The following HYDIN variants were observed in gnomAD, a reference collection of about 807,000 sequenced individuals.
The protein encoded by HYDIN is axonemal central pair apparatus protein HYDIN.
Under a neutral mutation model 403.9 loss-of-function variants are expected in HYDIN, and 132 were observed. The ratio of observed to expected loss-of-function variants is 0.33; its 90% CI spans 0.28 to 0.38. The LOEUF is 0.38. Ranked by LOEUF, HYDIN falls within the 10% of genes least tolerant of loss-of-function variation. The pLI, the probability that HYDIN is intolerant of heterozygous loss-of-function variation, is 1.00. For missense variants in HYDIN, 2,827 were observed against 5,009.5 expected (o/e 0.56, Z 13.15); for synonymous variants, 1,202 against 1,891.7 (o/e 0.64, Z 9.46).
chr16:71,055,135 A>G (rs1447466339), intron 18 of HYDIN, among the ~76,000 whole-genome samples: 11 of 152,298 alleles, frequency 7.2e-5, no homozygotes, highest in Non-Finnish European at 1.2e-4. Flanking sequence ...CACCATTTCC[A>G]AGTCCATTTT....
intron 31 of HYDIN, 29 bp from the exon 32 acceptor site, chr16:70,974,699 A>C: frequency 2.1e-6 from 2 of 932,580 alleles, no homozygotes; most frequent in Non-Finnish European, 3.2e-6. Context: ...CTTACTAGTC[A>C]CTTTCAAACC....
At chr16:71,228,297 C>T (rs1157211396) in intron 1 of HYDIN, among the ~76,000 whole-genome samples, 2 of 152,098 alleles carry the variant, frequency 1.3e-5, no homozygotes, top group African/African-American at 4.8e-5. Flanking sequence ...CAACAAAAGC[C>T]AGAATTGACA....
At chr16:70,838,489 T>G (rs2037595349) in intron 76 of HYDIN, among the ~76,000 whole-genome samples, 1 of 152,080 alleles carries the variant, frequency 6.6e-6, no homozygotes. Flanking sequence ...CCAGCCTGAT[T>G]CTCGATTTCT....
At chr16:70,853,828 A>G (rs917252506) in intron 73 of HYDIN, among the ~76,000 whole-genome samples, 5 of 145,618 alleles carry the variant, frequency 3.4e-5, no homozygotes, top group African/African-American at 1.3e-4. Context: ...GCAAGATGTC[A>G]CCCTTGGGAG....
At position 71,108,233 on chromosome 16, in the gene HYDIN, C is replaced by G. The variant is rs1036005629; in HGVS notation, c.1327+7463G>C. Among the ~76,000 whole-genome samples the G allele has an allele frequency of 2.1e-4, 32 of 152,190 alleles. 1 individual carries two copies. Among genetic ancestry groups the G allele is most frequent in the African/African-American group, 7.5e-4 (31 of 41,548 alleles). ...AACTATTGGGTACTAGGCTTAGAAC[C>G]TGTGTGACAAAAATCTGTACAACAA... is the stretch of plus-strand genomic sequence containing the variant. On this transcript the variant is annotated intron_variant, in intron 10 of 85. Coordinates refer to ENST00000393567, the MANE Select transcript of HYDIN (RefSeq NM_001270974.2).
chr16:70,923,106 T>C (rs1209492014), intron 45 of HYDIN, among the ~76,000 whole-genome samples: 1 of 150,448 alleles, frequency 6.6e-6, no homozygotes, highest in East Asian at 2.0e-4. Context: ...AGAAAAACGA[T>C]TGAAAATTAA....
At chr16:71,201,574 C>T (rs2088015914) in intron 1 of HYDIN, among the ~76,000 whole-genome samples, 1 of 152,140 alleles carries the variant, frequency 6.6e-6, no homozygotes, top group Non-Finnish European at 1.5e-5. Flanking sequence ...GCCAATGAGG[C>T]TTAATTCTGA....
rs2076591028 is a variant in HYDIN at position 70,908,286 on chromosome 16, T to C, written c.8362A>G (p.Ile2788Val). Residue 2788 changes from isoleucine to valine, a missense_variant, in exon 49 of 86, where the codon ATC becomes GTC. Ile to Val is a conservative substitution (Grantham distance 29). Coordinates refer to ENST00000393567, the MANE Select transcript of HYDIN (RefSeq NM_001270974.2). ...TGGCAAATGTATGGGTAAGTGCAGA[T>C]GCCTCGGCAGTAGAGCTGGTACTGG... ...CCQYQLYCRG[I>V]CTYPYICQDP... 3 of 1,340,722 alleles carry C rather than the reference T, an allele frequency of 2.2e-6. No individual in the cohort carries two copies. The highest frequency in any genetic ancestry group is 1.5e-5 in the African/African-American group (1 of 68,680). 83.1% of individuals were successfully genotyped at this position (1,340,722 alleles called of 1,614,324 possible).
intron 47 of HYDIN, among the ~76,000 whole-genome samples, chr16:70,915,136 A>T (rs1301706666): frequency 1.3e-5 from 2 of 151,656 alleles, no homozygotes; most frequent in Non-Finnish European, 2.9e-5. Flanking sequence ...ATTCTTTTTC[A>T]GGTAAATCAG....
At chr16:71,208,985 A>T (rs1310489539) in intron 1 of HYDIN, among the ~76,000 whole-genome samples, 1 of 152,132 alleles carries the variant, frequency 6.6e-6, no homozygotes, top group East Asian at 1.9e-4. Context: ...AATGGGTACC[A>T]TTCCTACTGA....
rs148192689 is a variant in HYDIN at position 71,200,071 on chromosome 16, C to A, written c.-23-13153G>T. 2.4e-3 allele frequency among the ~76,000 whole-genome samples: 372 copies of A among 152,288 alleles called. 1 individual carries two copies. Among genetic ancestry groups the A allele is most frequent in the Non-Finnish European group, 3.7e-3 (249 of 68,026 alleles). On this transcript the variant is annotated intron_variant, in intron 1 of 85. Coordinates refer to ENST00000393567, the MANE Select transcript of HYDIN (RefSeq NM_001270974.2). The stretch of plus-strand genomic sequence containing the variant: ...GATGGCCACGAGAATGACCTCTGGT[C>A]GTCTTCACTGCTACACTCCCAACAG...
rs1254585241 is a variant in HYDIN, at chr16:71,124,263, T to G, written c.1227+5377A>C. ...AGAAGGTGACGGAAGGGACACAACC[T>G]GCGGCCACATGGTTGGCAGGTGGTA... On this transcript the variant is annotated intron_variant, in intron 9 of 85. Coordinates refer to ENST00000393567, the MANE Select transcript of HYDIN (RefSeq NM_001270974.2). Among the ~76,000 whole-genome samples, 4 of 152,346 alleles carry G rather than the reference T, an allele frequency of 2.6e-5. No homozygotes were observed. In the East Asian group the frequency reaches 7.7e-4, roughly 29 times the overall value.
chr16:71,078,924 G>A (rs1452752045), intron 13 of HYDIN, among the ~76,000 whole-genome samples: 1 of 152,162 alleles, frequency 6.6e-6, no homozygotes, highest in Non-Finnish European at 1.5e-5. Context: ...TGTGAATGTG[G>A]CCAACAAGAA....
intron 8 of HYDIN, among the ~76,000 whole-genome samples, chr16:71,130,497 T>TTTG (rs2084665769): frequency 1.4e-5 from 2 of 145,686 alleles, no homozygotes; most frequent in African/African-American, 5.1e-5. Flanking sequence ...TTTTTTTTTT[T>TTTG]TGAGACGGAG....
At chr16:70,902,821 A>ATATATATTTTTTTTTTTTTTTTTTT in intron 52 of HYDIN, among the ~76,000 whole-genome samples, 2 of 47,306 alleles carry the variant, frequency 4.2e-5, no homozygotes, top group East Asian at 1.1e-3. Flanking sequence ...ATATATATAT[A>ATATATATTTTTTTTTTTTTTTTTTT]TTTTTTTTTT....
At chr16:70,982,243 T>C (rs2079069302) in intron 28 of HYDIN, among the ~76,000 whole-genome samples, 1 of 151,902 alleles carries the variant, frequency 6.6e-6, no homozygotes, top group Non-Finnish European at 1.5e-5. Flanking sequence ...AACATTTTTG[T>C]GAAATTAACA....
intron 13 of HYDIN, among the ~76,000 whole-genome samples, chr16:71,071,274 C>A (rs1019989703): frequency 6.7e-5 from 10 of 149,126 alleles, no homozygotes; most frequent in African/African-American, 2.2e-4. Context: ...ACAACAATTT[C>A]TTGTACTAGT....
chr16:71,040,276 G>C (rs2081242487), intron 18 of HYDIN, among the ~76,000 whole-genome samples: 1 of 150,752 alleles, frequency 6.6e-6, no homozygotes, highest in African/African-American at 2.4e-5. Flanking sequence ...AGCTGAGTAA[G>C]GGACACACTC....
At chr16:70,999,890 C>G (rs550053835) in intron 23 of HYDIN, among the ~76,000 whole-genome samples, 1 of 152,304 alleles carries the variant, frequency 6.6e-6, no homozygotes, top group East Asian at 1.9e-4. Context: ...TCGAAGCTCT[C>G]TAGTCTAGAT....
Sources: allele counts gnomAD v4.1 joint callset (sites outside exome capture counted in the v4.1 genomes callset), GRCh38; gene constraint gnomAD v4.1.1; transcripts MANE v1.5; gene names NCBI Gene and HGNC (gene_info 2026-07-23, HGNC 2026-07-21).